EFCAB6: variants seen among roughly 807,000 people sequenced by gnomAD.
EFCAB6 encodes EF-hand calcium-binding domain-containing protein 6.
Under a neutral mutation model 169.8 loss-of-function variants are expected in EFCAB6, and 156 were observed. The ratio of observed to expected loss-of-function variants is 0.92; its 90% confidence interval spans 0.81 to 1.05. The LOEUF is 1.05. Among genes scored for constraint, EFCAB6 ranks in the 50% least tolerant of loss-of-function variants. The pLI is 0.00. For missense variants in EFCAB6, 1,800 were observed against 1,829.1 expected (o/e 0.98, Z 0.29); for synonymous variants, 698 against 676.4 (o/e 1.03, Z -0.50).
chr22:43,678,148 T>A lies in EFCAB6; in HGVS notation c.1267A>T (p.Ile423Leu). The A allele has an allele frequency of 6.2e-7, 1 of 1,611,552 alleles. No homozygotes were observed. The highest frequency in any genetic ancestry group is 8.5e-7 in the Non-Finnish European group (1 of 1,179,526). Residue 423 changes from isoleucine to leucine, a missense_variant, in exon 13 of 32, where the codon ATA becomes TTA. Physicochemically the swap from Ile to Leu is conservative, Grantham distance 5. Coordinates refer to ENST00000262726, the MANE Select transcript of EFCAB6 (RefSeq NM_022785.4). ...LIINTKPDGP[I>L]TREEFRYILN... ...ATATATCGAAATTCTTCTCTTGTTA[T>A]CGGTCCATCGGGTTTCTGAGCATCA...
chr22:43,799,892 T>G (rs2148170527), intron 2 of EFCAB6, among the ~76,000 whole-genome samples: 1 of 152,192 alleles, frequency 6.6e-6, no homozygotes, highest in East Asian at 1.9e-4. Context: ...TTTCCCCCAA[T>G]TCACTGTTTC....
intron 24 of EFCAB6, among the ~76,000 whole-genome samples, chr22:43,588,533 T>C (rs567190138): frequency 3.0e-4 from 46 of 151,402 alleles, no homozygotes; most frequent in African/African-American, 1.1e-3. Context: ...TCCCAGAAGG[T>C]AGAAAAAGAG....
intron 26 of EFCAB6, among the ~76,000 whole-genome samples, chr22:43,571,736 G>A (rs1483471974): frequency 6.6e-6 from 1 of 152,066 alleles, no homozygotes; most frequent in Non-Finnish European, 1.5e-5. Flanking sequence ...TGCTCCCGAT[G>A]GCAAATAAAC....
chr22:43,701,810 G>A (rs1264510680), intron 10 of EFCAB6, among the ~76,000 whole-genome samples: 2 of 150,144 alleles, frequency 1.3e-5, no homozygotes, highest in East Asian at 3.9e-4. Context: ...AGCAATAAAA[G>A]ACATTCAGAA....
intron 10 of EFCAB6, among the ~76,000 whole-genome samples, chr22:43,687,782 A>T (rs1279399688): frequency 6.6e-6 from 1 of 152,236 alleles, no homozygotes; most frequent in Non-Finnish European, 1.5e-5. Context: ...CTGATATTAG[A>T]TCTGCATGCC....
intron 22 of EFCAB6, among the ~76,000 whole-genome samples, chr22:43,604,888 T>C (rs1388268357): frequency 6.6e-6 from 1 of 152,214 alleles, no homozygotes; most frequent in African/African-American, 2.4e-5. Flanking sequence ...CACGCAAGGA[T>C]CTCCACGGAT....
chr22:43,670,361 C>G (rs937447211), intron 15 of EFCAB6, among the ~76,000 whole-genome samples: 2 of 152,124 alleles, frequency 1.3e-5, no homozygotes, highest in African/African-American at 4.8e-5. Context: ...TGCTGAGAAC[C>G]ACTGACCCAG....
chr22:43,724,958 A>G (rs569030850), intron 8 of EFCAB6, among the ~76,000 whole-genome samples: 26 of 152,292 alleles, frequency 1.7e-4, no homozygotes, highest in African/African-American at 5.1e-4. Flanking sequence ...CTGTAACTAC[A>G]TACGTGAGAC....
At position 43,755,811 on chromosome 22, in the gene EFCAB6, A is replaced by G. The variant is rs1476472724; in HGVS notation, c.462T>C (p.Asn154=). ...CAAGTTCTCTTAATGTGCGGCAGCA[A>G]TTCATTTCATTCCCACCTCCCCTTA... ...GIKRGGGNEM[N]CCRTLRELEI... Residue 154 remains asparagine (N), a synonymous_variant, in exon 6 of 32, where the codon AAT becomes AAC. Coordinates refer to ENST00000262726, the MANE Select transcript of EFCAB6 (RefSeq NM_022785.4). 1 of 1,605,338 alleles carries G rather than the reference A, an allele frequency of 6.2e-7. No individual in the cohort carries two copies. Among genetic ancestry groups the G allele is most frequent in the Non-Finnish European group, 8.5e-7 (1 of 1,177,588 alleles).
chr22:43,741,702 G>A (rs981869566), intron 6 of EFCAB6, among the ~76,000 whole-genome samples: 21 of 152,128 alleles, frequency 1.4e-4, no homozygotes, highest in Non-Finnish European at 7.4e-5. Context: ...GAGTGGATTC[G>A]CAGCCGTGTC....
chr22:43,801,414 C>T (rs1424710963), intron 2 of EFCAB6, among the ~76,000 whole-genome samples: 1 of 152,080 alleles, frequency 6.6e-6, no homozygotes, highest in African/African-American at 2.4e-5. Context: ...AAATTAAGTA[C>T]ACAGACAAAC....
chr22:43,714,532 G>A (rs201699827), intron 9 of EFCAB6, among the ~76,000 whole-genome samples: 32 of 146,376 alleles, frequency 2.2e-4, no homozygotes, highest in African/African-American at 2.0e-4. Flanking sequence ...CAAGGATCAA[G>A]AAAAAAAAAA....
At chr22:43,594,537 A>G (rs2051848484) in intron 23 of EFCAB6, among the ~76,000 whole-genome samples, 1 of 152,206 alleles carries the variant, frequency 6.6e-6, no homozygotes, top group Admixed American at 6.5e-5. Flanking sequence ...AACTAAAAAG[A>G]CCTGAAGGTC....
intron 25 of EFCAB6, among the ~76,000 whole-genome samples, chr22:43,580,185 C>CTCTT (rs1334092088): frequency 6.6e-6 from 1 of 152,160 alleles, no homozygotes; most frequent in Non-Finnish European, 1.5e-5. Flanking sequence ...GCTGAGCCCA[C>CTCTT]TCTTGCCCAA....
intron 15 of EFCAB6, among the ~76,000 whole-genome samples, chr22:43,671,063 G>A (rs1224991368): frequency 6.6e-6 from 1 of 152,236 alleles, no homozygotes; most frequent in Non-Finnish European, 1.5e-5. Flanking sequence ...TTCAACCCAG[G>A]CAGCCCAGCT....
chr22:43,686,814 C>T (rs1166176396), intron 11 of EFCAB6, among the ~76,000 whole-genome samples: 1 of 152,064 alleles, frequency 6.6e-6, no homozygotes, highest in Non-Finnish European at 1.5e-5. Context: ...CTTTAAGATT[C>T]ATAGAGGGCA....
chr22:43,609,277 A>G lies in EFCAB6; in HGVS notation c.2563-677T>C, dbSNP rs149803738. On this transcript the variant is annotated intron_variant, in intron 21 of 31. Transcript: ENST00000262726. Reference sequence around the variant, plus strand: ...CTAAGATCAGGAACAAAGTGAGAATATCTTCATCACCCGCTATTCTACATT... The same window carrying G: ...CTAAGATCAGGAACAAAGTGAGAATGTCTTCATCACCCGCTATTCTACATT... Among the ~76,000 whole-genome samples the G allele has an allele frequency of 3.5e-3, 539 of 152,382 alleles. 2 individuals are homozygous for G. Among genetic ancestry groups the G allele is most frequent in the African/African-American group, 0.012 (517 of 41,598 alleles).
At chr22:43,599,724 G>T (rs1465708785) in intron 23 of EFCAB6, among the ~76,000 whole-genome samples, 1 of 152,018 alleles carries the variant, frequency 6.6e-6, no homozygotes, top group Non-Finnish European at 1.5e-5. Context: ...TAGACACCAG[G>T]TAAAGTGACA....
Position 43,774,512 on chromosome 22 carries a change from G to A in EFCAB6, c.140-1409C>T, listed in dbSNP as rs144478593. On this transcript the variant is annotated intron_variant, in intron 3 of 31. Coordinates refer to ENST00000262726, the MANE Select transcript of EFCAB6 (RefSeq NM_022785.4). ...GACACCCACTGAGGGCCCAGCGCACGCAGGGCCTGTGCCGGGGGCTGGGGA... is the reference window on the plus strand; with the variant it reads ...GACACCCACTGAGGGCCCAGCGCACACAGGGCCTGTGCCGGGGGCTGGGGA... 2.6e-5 allele frequency among the ~76,000 whole-genome samples: 4 copies of A among 151,860 alleles called. No homozygotes were observed. The East Asian group carries it at 5.9e-4, about 23-fold the overall frequency.
Sources: gnomAD v4.1 joint callset for allele counts (sites outside exome capture counted in the v4.1 genomes callset) on GRCh38, gnomAD v4.1.1 for gene constraint, MANE v1.5 for transcripts, NCBI Gene and HGNC (gene_info 2026-07-23, HGNC 2026-07-21) for gene names.